Variants in RPTN observed in about 807,000 individuals in gnomAD.
The protein encoded by RPTN is intermediate filament-associated protein.
RPTN carries 4 observed loss-of-function variants against 3.6 expected under a neutral mutation model. That is an observed-to-expected ratio of 1.12 (90% CI 0.55 to 2.55). The LOEUF is 2.55. Ranked by LOEUF, RPTN falls within the 30% of genes most tolerant of loss-of-function variation. RPTN has a pLI of 0.02. For synonymous variants in RPTN, 293 were observed against 319.3 expected (o/e 0.92, Z 0.88); for missense variants, 860 against 916.7 (o/e 0.94, Z 0.80).
Position 152,155,023 on chromosome 1 carries a change from C to G in RPTN, c.2076G>C (p.Gln692His). 1 of 1,614,190 alleles carries G rather than the reference C, an allele frequency of 6.2e-7. No individual in the cohort carries two copies. Among genetic ancestry groups the G allele is most frequent in the East Asian group, 2.2e-5 (1 of 44,874 alleles). Residue 692 changes from glutamine (Q) to histidine (H), a missense_variant, in exon 3 of 3, where the codon CAG becomes CAC. By Grantham distance (24) the Gln-to-His change is conservative. Coordinates refer to ENST00000316073, the MANE Select transcript of RPTN (RefSeq NM_001122965.1). ...GCCCCTCACCATGACTCTGCCTGGT[C>G]TGGGCCTGTCTGTGGCCCTGCTCAC... ...CSSEQGHRQA[Q>H]TRQSHGEGLS...
rs781162447 is a variant in RPTN, at chr1:152,154,493, T to C, written c.*251A>G. 1 of 585,404 alleles carries C rather than the reference T, an allele frequency of 1.7e-6. No individual in the cohort carries two copies. Among genetic ancestry groups the C allele is most frequent in the Non-Finnish European group, 3.0e-6 (1 of 335,686 alleles). The allele number at this position is 585,404 out of a possible 1,614,324, so 36.3% of individuals were successfully genotyped here. A position where few individuals can be genotyped will look rare whatever the true frequency, so the allele number is the denominator to read the frequency against. On this transcript the variant is annotated 3_prime_UTR_variant, in exon 3 of 3. Coordinates refer to ENST00000316073, the MANE Select transcript of RPTN (RefSeq NM_001122965.1). ...GGGAACAGTAGCTCCCTTGGCAGGG[T>C]GACCACGCTGTTCTCTGGTTTGGGG...
chr1:152,158,049 C>T, intron 1 of RPTN, 140 bp from the exon 2 acceptor site: 1 of 643,194 alleles, frequency 1.6e-6, no homozygotes, highest in Admixed American at 2.8e-5. Context: ...CCCTTCCTTG[C>T]CCTGACTCAC....
rs1371696061 is a variant in RPTN at position 152,156,589 on chromosome 1, G to C, written c.510C>G (p.His170Gln). ...CTCTGTCTTGTCTCTCAGGCTGACT[G>C]TGGTGGGAATCTCTGTCTTGTTTCT... ...QSEKQDRDSH[H>Q]SQPERQDRDS... The change falls in exon 3 of 3, where the codon CAC (histidine) becomes CAG (glutamine). Residue 170 changes from histidine to glutamine, a missense_variant. By Grantham distance (24) the His-to-Gln change is conservative (BLOSUM62 0). Coordinates refer to ENST00000316073, the MANE Select transcript of RPTN (RefSeq NM_001122965.1). The C allele has an allele frequency of 2.5e-6, 4 of 1,612,680 alleles. No individual in the cohort carries two copies. Among genetic ancestry groups the C allele is most frequent in the Non-Finnish European group, 3.4e-6 (4 of 1,179,570 alleles).
chr1:152,154,817 G>C lies in RPTN; in HGVS notation c.2282C>G (p.Thr761Ser). Residue 761 changes from threonine to serine, a missense_variant, in exon 3 of 3, where the codon ACC becomes AGC. Coordinates refer to ENST00000316073, the MANE Select transcript of RPTN (RefSeq NM_001122965.1). ...EQSHQRRDRQ[T>S]HEDKQNRQRR... ...CTGACGGTTCTGCTTGTCTTCATGG[G>C]TTTGCCTGTCTCGTCTCTGATGGCT... is the stretch of plus-strand genomic sequence containing the variant. The C allele has an allele frequency of 3.1e-6, 5 of 1,613,912 alleles. No individual in the cohort carries two copies. Among genetic ancestry groups the C allele is most frequent in the Non-Finnish European group, 4.2e-6 (5 of 1,179,990 alleles).
chr1:152,158,162 G>A (rs1659244132), intron 1 of RPTN, among the ~76,000 whole-genome samples: 3 of 152,160 alleles, frequency 2.0e-5, no homozygotes, highest in African/African-American at 7.2e-5. Flanking sequence ...TGCATTGCAG[G>A]TGTTTTACAT....
chr1:152,156,877 G>T lies in RPTN; in HGVS notation c.222C>A (p.Tyr74Ter), dbSNP rs1659217487. The stretch of plus-strand genomic sequence containing the variant: ...GGACCAACTGGAACACCAACAAGAG[G>T]TACTCATGAAAATCAATATGTCCAT... ...DRDGHIDFHE[Y>*]LLLVFQLVQA... The change falls in exon 3 of 3, where the codon TAC (tyrosine) becomes TAA (stop). Residue 74 changes from tyrosine to a stop codon, truncating the protein, a stop_gained. Coordinates refer to ENST00000316073, the MANE Select transcript of RPTN (RefSeq NM_001122965.1). LOFTEE classifies it low-confidence loss of function (END_TRUNC). 6.2e-7 allele frequency: 1 copy of T among 1,614,174 alleles called. No homozygotes were observed.
rs374167664 is a variant in RPTN at position 152,155,878 on chromosome 1, C to T, written c.1221G>A (p.Glu407=). ...TGTAGTGGGAACTCTGGCCTTGTCTCTCTGTCTGACCATAGTGAGAACTTT... is the reference window on the plus strand; with the variant it reads ...TGTAGTGGGAACTCTGGCCTTGTCTTTCTGTCTGACCATAGTGAGAACTTT... ...QDQSSHYGQT[E]RQGQSSHYSQ... Residue 407 remains glutamate, a synonymous_variant, in exon 3 of 3, where the codon GAG becomes GAA. Coordinates refer to ENST00000316073, the MANE Select transcript of RPTN (RefSeq NM_001122965.1). The T allele has an allele frequency of 1.9e-6, 3 of 1,568,180 alleles. No homozygotes were observed. Among genetic ancestry groups the T allele is most frequent in the African/African-American group, 3.1e-5 (2 of 65,076 alleles).
At chr1:152,157,973 G>C in intron 1 of RPTN, 64 bp from the exon 2 acceptor site, 5 of 1,409,964 alleles carry the variant, frequency 3.5e-6, no homozygotes, top group Non-Finnish European at 5.0e-6. Context: ...CATTTCCAGA[G>C]GGAAAGTGAC....
rs556791886 is a variant in RPTN, at chr1:152,157,068, G to C, written c.139-108C>G. On this transcript the variant is annotated intron_variant, in intron 2 of 2. Transcript: ENST00000316073. Reference sequence around the variant, plus strand: ...ATTCGGTGCTGCACGGACCTTCCTAGGTTGAAAAACCATTAATCTGAAGTG... The same window carrying C: ...ATTCGGTGCTGCACGGACCTTCCTACGTTGAAAAACCATTAATCTGAAGTG... 44 of 952,956 alleles carry C rather than the reference G, an allele frequency of 4.6e-5. 1 individual carries two copies. The South Asian group carries it at 6.9e-4, about 15-fold the overall frequency. 59.0% of individuals were successfully genotyped at this position (952,956 alleles called of 1,614,324 possible).
rs1449440174 is a variant in RPTN, at chr1:152,155,844, C to T, written c.1255G>A (p.Asp419Asn). 7.5e-6 allele frequency: 12 copies of T among 1,608,880 alleles called. No individual in the cohort carries two copies. Among genetic ancestry groups the T allele is most frequent in the East Asian group, 2.3e-5 (1 of 44,408 alleles). Reference protein sequence around the residue: ...QGQSSHYSQMDRQGQGSHYGQ... With the variant: ...QGQSSHYSQMNRQGQGSHYGQ... Reference sequence around the variant, plus strand: ...TAGTGAGAACCCTGGCCTTGTCGGTCCATCTGACTGTAGTGGGAACTCTGG... The same window carrying T: ...TAGTGAGAACCCTGGCCTTGTCGGTTCATCTGACTGTAGTGGGAACTCTGG... Residue 419 changes from aspartate to asparagine, a missense_variant, in exon 3 of 3, where the codon GAC becomes AAC. Coordinates refer to ENST00000316073, the MANE Select transcript of RPTN (RefSeq NM_001122965.1).
At chr1:152,158,524 A>G (rs1355887255) in intron 1 of RPTN, among the ~76,000 whole-genome samples, 1 of 152,224 alleles carries the variant, frequency 6.6e-6, no homozygotes, top group Non-Finnish European at 1.5e-5. Flanking sequence ...AGATAAAAAT[A>G]GCAAGTGGGT....
In RPTN at chr1:152,155,006, C is replaced by T; in HGVS notation, c.2093G>A (p.Gly698Asp). The T allele has an allele frequency of 1.2e-6, 2 of 1,613,882 alleles. No individual in the cohort carries two copies. The highest frequency in any genetic ancestry group is 1.1e-5 in the South Asian group (1 of 91,068). ...CTCTGCCCAGTGGCTCAGCCCCTCA[C>T]CATGACTCTGCCTGGTCTGGGCCTG... is the stretch of plus-strand genomic sequence containing the variant. ...HRQAQTRQSH[G>D]EGLSHWAEEE... The change falls in exon 3 of 3, where the codon GGT (glycine) becomes GAT (aspartate). Residue 698 changes from glycine (G) to aspartate (D), a missense_variant. Gly to Asp is a moderately conservative substitution (Grantham distance 94). Transcript: ENST00000316073.
In RPTN at chr1:152,155,115, G is replaced by C; in HGVS notation, c.1984C>G (p.Leu662Val). The C allele has an allele frequency of 6.2e-7, 1 of 1,614,160 alleles. No individual in the cohort carries two copies. Among genetic ancestry groups the C allele is most frequent in the Non-Finnish European group, 8.5e-7 (1 of 1,180,032 alleles). The change falls in exon 3 of 3, where the codon CTC becomes GTC. Residue 662 changes from leucine (L) to valine (V), a missense_variant. Leu to Val is a conservative substitution (Grantham distance 32). Transcript: ENST00000316073. ...CTTTCTTGTTGGATTTGTGCTAAGA[G>C]TTTGTGTTGGTGATGTTGGCTATCC... is the stretch of plus-strand genomic sequence containing the variant. ...EEDSQHHQHK[L>V]LAQIQQERPL...
rs555860144 is a variant in RPTN at position 152,153,848 on chromosome 1, T to C, written c.*896A>G. 62 of 152,542 alleles carry C rather than the reference T, an allele frequency of 4.1e-4. No homozygotes were observed. The highest frequency in any genetic ancestry group is 1.4e-3 in the African/African-American group (58 of 41,592). 9.4% of individuals were successfully genotyped at this position (152,542 alleles called of 1,614,324 possible). ...GTCCCTCTGGTGTGGAATAAGAGCCTGGCATGGGAGATGTAGTAAACATCA... is the reference window on the plus strand; with the variant it reads ...GTCCCTCTGGTGTGGAATAAGAGCCCGGCATGGGAGATGTAGTAAACATCA... On this transcript the variant is annotated 3_prime_UTR_variant, in exon 3 of 3. Coordinates refer to ENST00000316073, the MANE Select transcript of RPTN (RefSeq NM_001122965.1).
In RPTN at chr1:152,156,676, G is replaced by A. The variant is rs565256584; in HGVS notation, c.423C>T (p.Asp141=). The A allele has an allele frequency of 4.5e-5, 72 of 1,611,380 alleles. No homozygotes were observed. In the East Asian group the frequency reaches 7.4e-4, roughly 17 times the overall value. Residue 141 remains aspartate, a synonymous_variant, in exon 3 of 3, where the codon GAC becomes GAT. Transcript: ENST00000316073. ...CAGGCTGACCATGGTGGGAATCTCC[G>A]TCTTGTCTCTCAGGCTGACTGTGGT... is the stretch of plus-strand genomic sequence containing the variant. ...NSHHSQPERQ[D]GDSHHGQPER... is the part of the protein sequence containing the mutation.
At position 152,156,788 on chromosome 1, in the gene RPTN, C is replaced by T. The variant is rs982384690; in HGVS notation, c.311G>A (p.Gly104Glu). Residue 104 changes from glycine to glutamate, a missense_variant, in exon 3 of 3, where the codon GGG (glycine) becomes GAG (glutamate). Transcript: ENST00000316073. ...HGGRTSQQER[G>E]QEGAQDCKFP... ...CTTACAGTCTTGTGCTCCTTCCTGC[C>T]CCCTTTCTTGCTGTGAGGTCCTGCC... is the stretch of plus-strand genomic sequence containing the variant. 6.2e-6 allele frequency: 10 copies of T among 1,614,022 alleles called. No individual in the cohort carries two copies. The African/African-American group carries it at 1.1e-4, about 17-fold the overall frequency.
In RPTN at chr1:152,154,638, C is replaced by G; in HGVS notation, c.*106G>C. 1.4e-6 allele frequency: 2 copies of G among 1,467,816 alleles called. No individual in the cohort carries two copies. The highest frequency in any genetic ancestry group is 1.8e-6 in the Non-Finnish European group (2 of 1,081,916). 90.9% of individuals were successfully genotyped at this position (1,467,816 alleles called of 1,614,324 possible). A position where few individuals can be genotyped will look rare whatever the true frequency, so the allele number is the denominator to read the frequency against. The stretch of plus-strand genomic sequence containing the variant: ...CTGTTAGGACAGCTTCTGTGGGTCA[C>G]TTGGGATTTTTGATTCTGAGATCCT... On this transcript the variant is annotated 3_prime_UTR_variant, in exon 3 of 3. Coordinates refer to ENST00000316073, the MANE Select transcript of RPTN (RefSeq NM_001122965.1).
In RPTN at chr1:152,154,857, G is replaced by T. The variant is rs758982586; in HGVS notation, c.2242C>A (p.His748Asn). Reference sequence around the variant, plus strand: ...CTCTGATGGCTCTGCTCATGTTCATGGGTTTGTCTGTCTCGTCTCTGATGG... The same window carrying T: ...CTCTGATGGCTCTGCTCATGTTCATTGGTTTGTCTGTCTCGTCTCTGATGG... ...QNHQRRDRQT[H>N]EHEQSHQRRD... Residue 748 changes from histidine (H) to asparagine (N), a missense_variant, in exon 3 of 3, where the codon CAT (histidine) becomes AAT (asparagine). His to Asn is a moderately conservative substitution (Grantham distance 68). Coordinates refer to ENST00000316073, the MANE Select transcript of RPTN (RefSeq NM_001122965.1). The T allele has an allele frequency of 1.9e-6, 3 of 1,613,668 alleles. No individual in the cohort carries two copies. Among genetic ancestry groups the T allele is most frequent in the Non-Finnish European group, 2.5e-6 (3 of 1,179,802 alleles).
At position 152,154,920 on chromosome 1, in the gene RPTN, C is replaced by T; in HGVS notation, c.2179G>A (p.Gly727Arg). The T allele has an allele frequency of 6.2e-7, 1 of 1,614,108 alleles. No individual in the cohort carries two copies. Among genetic ancestry groups the T allele is most frequent in the Non-Finnish European group, 8.5e-7 (1 of 1,180,026 alleles). The change falls in exon 3 of 3, where the codon GGG becomes AGG. Residue 727 changes from glycine to arginine, a missense_variant. Physicochemically the swap from Gly to Arg is moderately radical, Grantham distance 125 (BLOSUM62 -2). Coordinates refer to ENST00000316073, the MANE Select transcript of RPTN (RefSeq NM_001122965.1). ...TTATGGGTTCGCCTGTCCTGTGTCCCACATGGACCTTCCTGACTCTCATGG... is the reference window on the plus strand; with the variant it reads ...TTATGGGTTCGCCTGTCCTGTGTCCTACATGGACCTTCCTGACTCTCATGG... ...HSHESQEGPC[G>R]TQDRRTHKDE...
Sources: allele counts gnomAD v4.1 joint callset (sites outside exome capture counted in the v4.1 genomes callset), GRCh38; gene constraint gnomAD v4.1.1; transcripts MANE v1.5; gene names NCBI Gene and HGNC (gene_info 2026-07-23, HGNC 2026-07-21).